BSDC1: variants seen among roughly 807,000 people sequenced by gnomAD.
The protein encoded by BSDC1 is BSD domain containing 1, also known as BSD domain-containing protein 1.
A neutral mutation model predicts 56.0 loss-of-function variants in BSDC1; 29 were observed. The observed-to-expected ratio is 0.52, with a 90% CI of 0.39 to 0.71. The LOEUF is 0.71. BSDC1 is among the 30% of genes least tolerant of loss of function. The probability of loss-of-function intolerance (pLI) is 0.00; values close to 1 mark genes in which losing one functional copy is unlikely to be tolerated. For synonymous variants in BSDC1, 210 were observed against 215.3 expected (o/e 0.98, Z 0.21); for missense variants, 477 against 548.5 (o/e 0.87, Z 1.30).
intron 3 of BSDC1, among the ~76,000 whole-genome samples, chr1:32,385,746 C>T (rs1261393814): frequency 6.6e-6 from 1 of 151,980 alleles, no homozygotes; most frequent in African/African-American, 2.4e-5. Flanking sequence ...ACCACCACCA[C>T]CAAAGAACAG....
intron 4 of BSDC1, among the ~76,000 whole-genome samples, chr1:32,383,592 A>C (rs890796572): frequency 7.9e-5 from 12 of 152,324 alleles, no homozygotes; most frequent in South Asian, 2.1e-4. Flanking sequence ...TTTATAAACA[A>C]AAACAAATGT....
intron 2 of BSDC1, chr1:32,393,753 TCC>T (rs1375889266): frequency 2.2e-4 from 78 of 356,394 alleles, no homozygotes; most frequent in Non-Finnish European, 3.7e-4. Context: ...TAGAATCTTT[TCC>T]TTCAAGACCT....
chr1:32,375,068 C>T (rs901986904), intron 9 of BSDC1, among the ~76,000 whole-genome samples: 2 of 152,020 alleles, frequency 1.3e-5, no homozygotes, highest in African/African-American at 4.8e-5. Flanking sequence ...AGGAGAATGG[C>T]GCGAACCTGA....
intron 2 of BSDC1, among the ~76,000 whole-genome samples, chr1:32,391,374 G>A (rs918048540): frequency 6.6e-6 from 1 of 152,176 alleles, no homozygotes; most frequent in Non-Finnish European, 1.5e-5. Context: ...TCTCCTGGAA[G>A]TGAAAGGGAT....
At position 32,394,070 on chromosome 1, in the gene BSDC1, C is replaced by T; in HGVS notation, c.72+10G>A. The T allele has an allele frequency of 8.1e-6, 13 of 1,606,272 alleles. No homozygotes were observed. Among genetic ancestry groups the T allele is most frequent in the Non-Finnish European group, 1.1e-5 (13 of 1,176,830 alleles). On this transcript the variant is annotated intron_variant, in intron 2 of 10. Transcript: ENST00000455895. ...CCTGCTGAGGGAAGAAGGGCACGGGCCCGGCTTACCTTCTCTTTGACTGCT... is the reference window on the plus strand; with the variant it reads ...CCTGCTGAGGGAAGAAGGGCACGGGTCCGGCTTACCTTCTCTTTGACTGCT...
At chr1:32,384,091 T>G in intron 3 of BSDC1, 94 bp from the exon 4 acceptor site, 1 of 1,569,402 alleles carries the variant, frequency 6.4e-7, no homozygotes, top group Non-Finnish European at 8.7e-7. Context: ...GTGTACCGTG[T>G]GTTGGGGGAC....
intron 2 of BSDC1, among the ~76,000 whole-genome samples, chr1:32,393,019 G>T (rs150995093): frequency 1.1e-3 from 172 of 152,274 alleles, no homozygotes; most frequent in African/African-American, 4.0e-3. Flanking sequence ...AGCTGAGACC[G>T]CACCTGTGCA....
chr1:32,368,309 C>G (rs752659068), intron 10 of BSDC1, 138 bp downstream of exon 10: 2 of 1,604,150 alleles, frequency 1.2e-6, no homozygotes, highest in African/African-American at 2.7e-5. Context: ...GAGCAGGAAG[C>G]TCCAGCTCCT....
intron 2 of BSDC1, among the ~76,000 whole-genome samples, chr1:32,388,213 G>A (rs749548141): frequency 3.3e-5 from 5 of 152,036 alleles, no homozygotes. Context: ...TGTTCTTCTG[G>A]GAAGGGCCTG....
chr1:32,378,377 T>C lies in BSDC1; in HGVS notation c.529-94A>G. Reference sequence around the variant, plus strand: ...TCAGTCTATTCCCAGCCAGTCTGGATTTCAGACCCAGTAAGTGGCTTAGCA... The same window carrying C: ...TCAGTCTATTCCCAGCCAGTCTGGACTTCAGACCCAGTAAGTGGCTTAGCA... On this transcript the variant is annotated intron_variant, in intron 6 of 10. Coordinates refer to ENST00000455895, the MANE Select transcript of BSDC1 (RefSeq NM_018045.8). The surrounding 1 kb of genome is among the most constrained non-coding windows in gnomAD (Gnocchi z 5.2). The C allele has an allele frequency of 7.8e-7, 1 of 1,275,880 alleles. No individual in the cohort carries two copies. The highest frequency in any genetic ancestry group is 1.1e-6 in the Non-Finnish European group (1 of 885,422). The allele number at this position is 1,275,880 out of a possible 1,614,324, so 79.0% of individuals were successfully genotyped here.
Position 32,394,303 on chromosome 1 carries a change from C to G in BSDC1, c.11+101G>C. ...CACTCTGCCCTTTCAGATCAGTCCA[C>G]GCCCCCGCTGATCTCACGTTCCCCA... On this transcript the variant is annotated intron_variant, in intron 1 of 10. Coordinates refer to ENST00000455895, the MANE Select transcript of BSDC1 (RefSeq NM_018045.8). 3 of 1,589,996 alleles carry G rather than the reference C, an allele frequency of 1.9e-6. No homozygotes were observed. In the Admixed American group the frequency reaches 5.0e-5, roughly 27 times the overall value.
chr1:32,364,902 G>A lies in BSDC1; in HGVS notation c.*1720C>T, dbSNP rs918710068. ...ACTGGGAGTGCAGAGATGGCCTCCC[G>A]ACTCCTTGTCCCAGTGAGAGGCCTG... On this transcript the variant is annotated 3_prime_UTR_variant, in exon 11 of 11. Coordinates refer to ENST00000455895, the MANE Select transcript of BSDC1 (RefSeq NM_018045.8). 2.0e-5 allele frequency among the ~76,000 whole-genome samples: 3 copies of A among 152,172 alleles called. No homozygotes were observed. Among genetic ancestry groups the A allele is most frequent in the African/African-American group, 7.2e-5 (3 of 41,438 alleles).
intron 3 of BSDC1, chr1:32,386,521 T>C: frequency 2.7e-6 from 1 of 375,602 alleles, no homozygotes; most frequent in Non-Finnish European, 4.8e-6. Context: ...TTGTCTGTGT[T>C]TTCTAAATTG....
intron 4 of BSDC1, among the ~76,000 whole-genome samples, chr1:32,383,482 A>G (rs530641287): frequency 1.3e-5 from 2 of 151,962 alleles, no homozygotes; most frequent in Non-Finnish European, 2.9e-5. Flanking sequence ...TGATTAGGAA[A>G]GATGCTATGT....
Position 32,378,388 on chromosome 1 carries a change from G to GT in BSDC1, c.529-106dup. 6.1e-6 allele frequency: 7 copies of GT among 1,143,460 alleles called. No homozygotes were observed. In the South Asian group the frequency reaches 7.9e-5, roughly 13 times the overall value. 70.8% of individuals were successfully genotyped at this position (1,143,460 alleles called of 1,614,324 possible). A position where few individuals can be genotyped will look rare whatever the true frequency, so the allele number is the denominator to read the frequency against. On this transcript the variant is annotated intron_variant, in intron 6 of 10. Coordinates refer to ENST00000455895, the MANE Select transcript of BSDC1 (RefSeq NM_018045.8). This position sits in a 1 kb window ranked among gnomAD's most constrained non-coding sequence, Gnocchi z 5.2. ...CCAGCCAGTCTGGATTTCAGACCCAGTAAGTGGCTTAGCAGTGACAGTCAG... is the reference window on the plus strand; with the variant it reads ...CCAGCCAGTCTGGATTTCAGACCCAGTTAAGTGGCTTAGCAGTGACAGTCAG...
chr1:32,382,113 G>C (rs1192980390), intron 4 of BSDC1, among the ~76,000 whole-genome samples: 1 of 151,636 alleles, frequency 6.6e-6, no homozygotes, highest in Non-Finnish European at 1.5e-5. Context: ...TGTAATCCCA[G>C]ATACTCAGGA....
chr1:32,373,668 G>A (rs981985534), intron 9 of BSDC1, among the ~76,000 whole-genome samples: 11 of 151,952 alleles, frequency 7.2e-5, no homozygotes, highest in Admixed American at 1.3e-4. Context: ...CTACAGGCAC[G>A]TGCCACCACA....
chr1:32,385,250 T>C (rs140074979), intron 3 of BSDC1, among the ~76,000 whole-genome samples: 66 of 152,282 alleles, frequency 4.3e-4, no homozygotes, highest in African/African-American at 1.5e-3. Flanking sequence ...TTCCATCTTA[T>C]AAGAGGTTTC....
At chr1:32,386,592 C>G (rs1358434461) in intron 3 of BSDC1, 187 bp downstream of exon 3, 1 of 497,676 alleles carries the variant, frequency 2.0e-6, no homozygotes, top group Non-Finnish European at 3.5e-6. Context: ...AGTGGGAAAA[C>G]TAATTATTAC....
Sources: allele counts gnomAD v4.1 joint callset (sites outside exome capture counted in the v4.1 genomes callset), GRCh38; gene constraint gnomAD v4.1.1; non-coding constraint Gnocchi (gnomAD v3.1); transcripts MANE v1.5; gene names NCBI Gene and HGNC (gene_info 2026-07-23, HGNC 2026-07-21).